CD163L1: variants seen among roughly 807,000 people sequenced by gnomAD.
The protein encoded by CD163L1 is CD163 molecule like 1.
Under a neutral mutation model 165.4 loss-of-function variants are expected in CD163L1, and 124 were observed. The observed-to-expected ratio is 0.75, with a 90% CI of 0.65 to 0.87. The LOEUF is 0.87. Ranked by LOEUF, CD163L1 falls within the 40% of genes least tolerant of loss-of-function variation. The pLI, the probability that CD163L1 is intolerant of heterozygous loss-of-function variation, is 0.00. For missense variants in CD163L1, 1,525 were observed against 1,799.9 expected (o/e 0.85, Z 2.76); for synonymous variants, 585 against 662.2 (o/e 0.88, Z 1.79).
chr12:7,389,828 A>G (rs1171831446), intron 8 of CD163L1, among the ~76,000 whole-genome samples: 1 of 151,612 alleles, frequency 6.6e-6, no homozygotes, highest in African/African-American at 2.4e-5. Context: ...AATAATTTAA[A>G]AAATTAAAAA....
At chr12:7,440,364 G>C (rs140593502) in intron 2 of CD163L1, among the ~76,000 whole-genome samples, 16,179 of 151,420 alleles carry the variant, frequency 0.11, 1,483 homozygotes, top group African/African-American at 0.24. Flanking sequence ...TCCCCCCACC[G>C]CCGCACGGGA....
chr12:7,389,964 A>ATT (rs1555197848), intron 8 of CD163L1, among the ~76,000 whole-genome samples: 12 of 146,032 alleles, frequency 8.2e-5, no homozygotes, highest in African/African-American at 2.7e-4. Context: ...ATATATTTAT[A>ATT]TATATATATA....
chr12:7,390,625 G>A (rs895238012), intron 8 of CD163L1, among the ~76,000 whole-genome samples: 13 of 152,048 alleles, frequency 8.5e-5, no homozygotes, highest in African/African-American at 1.4e-4. Flanking sequence ...ATAACTCTAC[G>A]TCTACCTACA....
At position 7,421,049 on chromosome 12, in the gene CD163L1, G is replaced by A. The variant is rs7487336; in HGVS notation, c.766+11367C>T. Among the ~76,000 whole-genome samples, 617 of 71,080 alleles carry A rather than the reference G, an allele frequency of 8.7e-3. 14 individuals are homozygous for A. The highest frequency in any genetic ancestry group is 0.06 in the African/African-American group (524 of 8,682). 46.6% of individuals were successfully genotyped at this position (71,080 alleles called of 152,430 possible). The stretch of plus-strand genomic sequence containing the variant: ...CATATATATATACGTGTATATATAT[G>A]TATATACGTATATATGTATATATAC... On this transcript the variant is annotated intron_variant, in intron 4 of 19. Coordinates refer to ENST00000313599, the MANE Select transcript of CD163L1 (RefSeq NM_174941.6).
At chr12:7,405,329 TCTC>T (rs1310512699) in intron 5 of CD163L1, among the ~76,000 whole-genome samples, 4 of 152,090 alleles carry the variant, frequency 2.6e-5, no homozygotes, top group Non-Finnish European at 5.9e-5. Flanking sequence ...CCCTCTTTTC[TCTC>T]CTAACTTTCG....
chr12:7,363,790 GA>G (rs55888642), intron 18 of CD163L1, among the ~76,000 whole-genome samples: 3 of 146,812 alleles, frequency 2.0e-5, no homozygotes, highest in Admixed American at 1.4e-4. Context: ...ATAATAATAA[GA>G]AAAAAAAAAA....
At chr12:7,427,879 T>C (rs112316608) in intron 4 of CD163L1, among the ~76,000 whole-genome samples, 2 of 152,246 alleles carry the variant, frequency 1.3e-5, no homozygotes, top group East Asian at 1.9e-4. Flanking sequence ...CTTAGTTAAG[T>C]CTCATCAAAC....
At chr12:7,332,522 G>A in the CD163L1 span, among the ~76,000 whole-genome samples, 4 of 152,316 alleles carry the variant, frequency 2.6e-5, no homozygotes, top group East Asian at 7.7e-4. Flanking sequence ...AATGTTAAGG[G>A]CAGCCAGGGA....
chr12:7,326,675 G>C, the CD163L1 span, among the ~76,000 whole-genome samples: 2 of 152,188 alleles, frequency 1.3e-5, no homozygotes, highest in East Asian at 1.9e-4. Context: ...ACCAAGGACT[G>C]TCTGTGTAAT....
At chr12:7,416,425 A>G (rs1329686172) in intron 4 of CD163L1, among the ~76,000 whole-genome samples, 1 of 152,166 alleles carries the variant, frequency 6.6e-6, no homozygotes, top group Non-Finnish European at 1.5e-5. Flanking sequence ...TAGTTTAATT[A>G]GATCCCATTT....
chr12:7,433,766 A>G lies in CD163L1; in HGVS notation c.125-72T>C, dbSNP rs1948672595. ...GGCAGAAATAATATAAGTAGGTGAG[A>G]TGGATGATGATCATTTAGTTTAAAT... On this transcript the variant is annotated intron_variant, in intron 2 of 19. Transcript: ENST00000313599. 5 of 1,057,388 alleles carry G rather than the reference A, an allele frequency of 4.7e-6. No homozygotes were observed. In the South Asian group the frequency reaches 8.3e-5, roughly 18 times the overall value. 65.5% of individuals were successfully genotyped at this position (1,057,388 alleles called of 1,614,324 possible).
Position 7,374,650 on chromosome 12 carries a change from C to G in CD163L1, c.3201G>C (p.Leu1067=). ...TTTGACACACCACGTGGGCATCGCTCAGGTCCCAGCCGTCATCACAGATGG... is the reference window on the plus strand; with the variant it reads ...TTTGACACACCACGTGGGCATCGCTGAGGTCCCAGCCGTCATCACAGATGG... The part of the protein sequence containing the change: ...WGTICDDGWD[L]SDAHVVCQKL... Residue 1067 remains leucine, a synonymous_variant, in exon 13 of 20, where the codon CTG becomes CTC. Transcript: ENST00000313599. The surrounding 1 kb of genome is among the most constrained non-coding windows in gnomAD (Gnocchi z 5.4). 2 of 1,614,228 alleles carry G rather than the reference C, an allele frequency of 1.2e-6. No homozygotes were observed. Among genetic ancestry groups the G allele is most frequent in the East Asian group, 2.2e-5 (1 of 44,878 alleles).
Position 7,357,387 on chromosome 12 carries a change from G to A in CD163L1, c.*17C>T, listed in dbSNP as rs1382818181. ...CAATACTTCTCAACTTACCTGGTGA[G>A]CCCTGGAAGTCTAAAGTCATTTTGT... is the stretch of plus-strand genomic sequence containing the variant. On this transcript the variant is annotated 3_prime_UTR_variant, in exon 19 of 20. Transcript: ENST00000313599. The A allele has an allele frequency of 1.2e-6, 2 of 1,607,144 alleles. No homozygotes were observed. The highest frequency in any genetic ancestry group is 1.7e-5 in the Admixed American group (1 of 59,814).
chr12:7,413,992 A>C (rs993847064), intron 4 of CD163L1, among the ~76,000 whole-genome samples: 5 of 152,192 alleles, frequency 3.3e-5, no homozygotes, highest in Non-Finnish European at 5.9e-5. Flanking sequence ...CCAAAGCATC[A>C]GTAAAGACTA....
intron 4 of CD163L1, among the ~76,000 whole-genome samples, chr12:7,423,753 C>T (rs941962336): frequency 1.2e-4 from 18 of 152,128 alleles, no homozygotes; most frequent in Admixed American, 1.2e-3. Context: ...TTCCTGGACA[C>T]ATACCCCCTC....
At chr12:7,404,719 G>A (rs946115451) in intron 5 of CD163L1, among the ~76,000 whole-genome samples, 2 of 152,096 alleles carry the variant, frequency 1.3e-5, no homozygotes, top group African/African-American at 4.8e-5. Context: ...CATTGAATAG[G>A]TTAGTCTTCG....
At chr12:7,346,117 A>G (rs1316636686), downstream of CD163L1, among the ~76,000 whole-genome samples, 1 of 152,210 alleles carries the variant, frequency 6.6e-6, no homozygotes, top group Non-Finnish European at 1.5e-5. Flanking sequence ...AACTGTATGT[A>G]TATTAAGAAG....
At chr12:7,420,256 A>G (rs983396774) in intron 4 of CD163L1, among the ~76,000 whole-genome samples, 2 of 152,150 alleles carry the variant, frequency 1.3e-5, no homozygotes, top group South Asian at 2.1e-4. Context: ...TAAAAATTCT[A>G]AAAGATAACA....
chr12:7,416,004 G>A (rs1221396032), intron 4 of CD163L1, among the ~76,000 whole-genome samples: 1 of 152,186 alleles, frequency 6.6e-6, no homozygotes, highest in Admixed American at 6.5e-5. Flanking sequence ...ATGCTACACT[G>A]TCTTCCACAA....
Sources: allele counts gnomAD v4.1 joint callset (sites outside exome capture counted in the v4.1 genomes callset), GRCh38; gene constraint gnomAD v4.1.1; non-coding constraint Gnocchi (gnomAD v3.1); transcripts MANE v1.5; gene names NCBI Gene and HGNC (gene_info 2026-07-23, HGNC 2026-07-21).